The following FANCE variants were observed in gnomAD, a reference collection of about 807,000 sequenced individuals.
The protein encoded by FANCE is Fanconi anemia group E protein.
A neutral mutation model predicts 57.8 loss-of-function variants in FANCE; 42 were observed. The ratio of observed to expected loss-of-function variants is 0.73; its 90% CI spans 0.57 to 0.94. The LOEUF is 0.94. Ranked by LOEUF, FANCE falls within the 40% of genes least tolerant of loss-of-function variation. The pLI is 0.00. For missense variants in FANCE, 608 were observed against 661.8 expected, an observed-to-expected ratio of 0.92 and a Z score of 0.89; for synonymous variants, 251 against 286.4, an observed-to-expected ratio of 0.88 and a Z score of 1.25.
intron 2 of FANCE, among the ~76,000 whole-genome samples, chr6:35,457,169 C>T (rs972130576): frequency 6.6e-6 from 1 of 152,102 alleles, no homozygotes; most frequent in Non-Finnish European, 1.5e-5. Flanking sequence ...TCTTCTCCCC[C>T]AGGCTGGGGT....
intron 8 of FANCE, among the ~76,000 whole-genome samples, chr6:35,461,109 G>C (rs938648661): frequency 6.6e-6 from 1 of 151,636 alleles, no homozygotes; most frequent in Non-Finnish European, 1.5e-5. Context: ...GTAGAGATAG[G>C]GTTTTGCCAT....
At chr6:35,454,311 A>T (rs1313172301) in intron 1 of FANCE, among the ~76,000 whole-genome samples, 2 of 152,046 alleles carry the variant, frequency 1.3e-5, no homozygotes, top group Non-Finnish European at 2.9e-5. Flanking sequence ...CTCGTGATCC[A>T]CCTACCTTGG....
At chr6:35,460,476 G>A (rs777148027) in intron 7 of FANCE, 76 bp from the exon 8 acceptor site, 2 of 1,422,008 alleles carry the variant, frequency 1.4e-6, no homozygotes, top group Non-Finnish European at 9.9e-7. Context: ...CCCTGCTGTG[G>A]GAGTTGGAGC....
In FANCE at chr6:35,457,616, G is replaced by A; in HGVS notation, c.900+16G>A. ...CTTGGAGGAGGTGACTGGCCCCACAGTGCTCACCATAGCCTTTCTTCCATC... is the reference window on the plus strand; with the variant it reads ...CTTGGAGGAGGTGACTGGCCCCACAATGCTCACCATAGCCTTTCTTCCATC... On this transcript the variant is annotated intron_variant, in intron 3 of 9. Transcript: ENST00000229769. The A allele has an allele frequency of 6.2e-7, 1 of 1,613,576 alleles. No individual in the cohort carries two copies. Among genetic ancestry groups the A allele is most frequent in the Non-Finnish European group, 8.5e-7 (1 of 1,179,796 alleles).
At chr6:35,460,513 G>A in intron 7 of FANCE, 39 bp from the exon 8 acceptor site, 1 of 1,590,856 alleles carries the variant, frequency 6.3e-7, no homozygotes, top group Non-Finnish European at 8.6e-7. Context: ...GGCTTGGGTG[G>A]GAGGCCAGGC....
At position 35,466,238 on chromosome 6, in the gene FANCE, C is replaced by T. The variant is rs1164629334; in HGVS notation, c.1510-6C>T. ...GAGTCCTGACATGATTTTTCCTTCT[C>T]CCCAGATCACTGAGACCCAGAGGCT... On this transcript the variant is annotated splice_polypyrimidine_tract_variant and splice_region_variant and intron_variant, in intron 9 of 9. Coordinates refer to ENST00000229769, the MANE Select transcript of FANCE (RefSeq NM_021922.3). 1 of 1,592,514 alleles carries T rather than the reference C, an allele frequency of 6.3e-7. No homozygotes were observed. Among genetic ancestry groups the T allele is most frequent in the Non-Finnish European group, 8.6e-7 (1 of 1,160,390 alleles).
At position 35,458,111 on chromosome 6, in the gene FANCE, C is replaced by T. The variant is rs555942148; in HGVS notation, c.969+127C>T. 5.9e-5 allele frequency: 71 copies of T among 1,201,732 alleles called. No homozygotes were observed. In the African/African-American group the frequency reaches 9.1e-4, roughly 15 times the overall value. 74.4% of individuals were successfully genotyped at this position (1,201,732 alleles called of 1,614,324 possible). ...GGGATTTTGTTGTTTTCTCTCTCAG[C>T]GATAGGGGTCACCCTGTGTAGTATC... On this transcript the variant is annotated intron_variant, in intron 4 of 9. Coordinates refer to ENST00000229769, the MANE Select transcript of FANCE (RefSeq NM_021922.3).
rs1299741226 is a variant in FANCE at position 35,457,835 on chromosome 6, CCTT to C, written c.901-78_901-76del. The C allele has an allele frequency of 4.7e-5, 60 of 1,278,816 alleles. 1 individual carries two copies. The highest frequency in any genetic ancestry group is 4.2e-4 in the South Asian group (35 of 84,154). 79.2% of individuals were successfully genotyped at this position (1,278,816 alleles called of 1,614,324 possible). A position where few individuals can be genotyped will look rare whatever the true frequency, so the allele number is the denominator to read the frequency against. On this transcript the variant is annotated intron_variant, in intron 3 of 9. Transcript: ENST00000229769. ...GTGCCTTCCAGGATCTCAGGCCACT[CCTT>C]CTGCCACCTGAAGGGGTGGCTTCAG...
At chr6:35,458,573 A>G in intron 5 of FANCE, 133 bp downstream of exon 5, 1 of 1,103,082 alleles carries the variant, frequency 9.1e-7, no homozygotes, top group Non-Finnish European at 1.4e-6. Context: ...GCCTGGGGCA[A>G]GGAAAGGATG....
intron 1 of FANCE, among the ~76,000 whole-genome samples, chr6:35,453,334 G>A (rs1767188757): frequency 6.6e-6 from 1 of 152,032 alleles, no homozygotes; most frequent in African/African-American, 2.4e-5. Flanking sequence ...CCTCTCTGTG[G>A]CTGACGAAGG....
chr6:35,464,661 G>A (rs1158565558), intron 9 of FANCE, among the ~76,000 whole-genome samples: 1 of 151,492 alleles, frequency 6.6e-6, no homozygotes, highest in Non-Finnish European at 1.5e-5. Flanking sequence ...CCTCAGGCGT[G>A]GCTCTAAGCC....
At chr6:35,455,691 G>T (rs894764834) in intron 1 of FANCE, 56 bp from the exon 2 acceptor site, 4 of 1,605,566 alleles carry the variant, frequency 2.5e-6, no homozygotes, top group Non-Finnish European at 3.4e-6. Context: ...TGCCCAGTCT[G>T]CCTTGTGCTC....
intron 8 of FANCE, 63 bp downstream of exon 8, chr6:35,460,681 G>T: frequency 6.7e-7 from 1 of 1,487,256 alleles, no homozygotes; most frequent in South Asian, 1.1e-5. Context: ...AAGCACACGG[G>T]GTTCCTGGGT....
chr6:35,466,028 G>C (rs971079637), intron 9 of FANCE, among the ~76,000 whole-genome samples: 5 of 152,226 alleles, frequency 3.3e-5, no homozygotes, highest in Admixed American at 1.3e-4. Context: ...ATTGTCAACT[G>C]TTACTAATGT....
At chr6:35,457,793 C>T in intron 3 of FANCE, 123 bp from the exon 4 acceptor site, 1 of 1,050,706 alleles carries the variant, frequency 9.5e-7, no homozygotes, top group Non-Finnish European at 1.5e-6. Context: ...CCCCAGGTAA[C>T]TTCCTCTTCT....
In FANCE at chr6:35,456,512, A is replaced by G. The variant is rs1189857846; in HGVS notation, c.855+159A>G. ...GTTGAGGGAATGTAGCCTCCACTCT[A>G]CAGACTCTTTTTTTTTTTTGAGATG... On this transcript the variant is annotated intron_variant, in intron 2 of 9. Coordinates refer to ENST00000229769, the MANE Select transcript of FANCE (RefSeq NM_021922.3). This position sits in a 1 kb window ranked among gnomAD's most constrained non-coding sequence, Gnocchi z 4.3. Among the ~76,000 whole-genome samples the G allele has an allele frequency of 6.7e-6, 1 of 150,278 alleles. No homozygotes were observed. The highest frequency in any genetic ancestry group is 6.6e-5 in the Admixed American group (1 of 15,062).
In FANCE at chr6:35,456,029, G is replaced by A. The variant is rs758504114; in HGVS notation, c.531G>A (p.Arg177=). ...LCRGLGLGGR[R]LKSPQAPDPE... ...GGGGGCTGGGCCTGGGGGGCAGGAG[G>A]TTGAAATCCCCCCAGGCTCCAGACC... Residue 177 remains arginine (R), a synonymous_variant, in exon 2 of 10, where the codon AGG becomes AGA. Coordinates refer to ENST00000229769, the MANE Select transcript of FANCE (RefSeq NM_021922.3). The surrounding 1 kb of genome is among the most constrained non-coding windows in gnomAD (Gnocchi z 4.3). The A allele has an allele frequency of 2.5e-6, 4 of 1,612,808 alleles. No homozygotes were observed. In the African/African-American group the frequency reaches 4.0e-5, roughly 16 times the overall value.
chr6:35,460,210 G>T (rs1767531404), intron 7 of FANCE, among the ~76,000 whole-genome samples: 1 of 152,158 alleles, frequency 6.6e-6, no homozygotes, highest in Admixed American at 6.5e-5. Flanking sequence ...CTGCCTCCCA[G>T]GTTCACGCAA....
chr6:35,463,663 CTT>C (rs756174501), intron 9 of FANCE, among the ~76,000 whole-genome samples: 7 of 136,242 alleles, frequency 5.1e-5, no homozygotes, highest in Non-Finnish European at 4.7e-5. Flanking sequence ...GGCTTCCTGA[CTT>C]TTTTTTTTTT....
Sources: allele counts gnomAD v4.1 joint callset (sites outside exome capture counted in the v4.1 genomes callset), GRCh38; gene constraint gnomAD v4.1.1; non-coding constraint Gnocchi (gnomAD v3.1); transcripts MANE v1.5; gene names NCBI Gene and HGNC (gene_info 2026-07-23, HGNC 2026-07-21).